Variants in LRRC4C observed in about 807,000 individuals in gnomAD.
LRRC4C encodes leucine rich repeat containing 4C, also known as leucine-rich repeat-containing protein 4C.
In LRRC4C, 5 loss-of-function variants were observed where a neutral mutation model predicts 33.6. That is an observed-to-expected ratio of 0.15 (90% CI 0.08 to 0.31). The LOEUF (loss-of-function observed/expected upper bound fraction) is 0.31. Ranked by LOEUF, LRRC4C falls within the 10% of genes least tolerant of loss-of-function variation. The pLI, the probability that LRRC4C is intolerant of heterozygous loss-of-function variation, is 1.00. For missense variants in LRRC4C, 560 were observed against 796.7 expected (o/e 0.70, Z 3.58); for synonymous variants, 329 against 302.0 (o/e 1.09, Z -0.93).
chr11:40,243,532 A>G (rs1431068832), intron 4 of LRRC4C, among the ~76,000 whole-genome samples: 2 of 152,094 alleles, frequency 1.3e-5, no homozygotes, highest in East Asian at 3.9e-4. Context: ...TGACTCATTC[A>G]TTTATTCAAC....
intron 3 of LRRC4C, among the ~76,000 whole-genome samples, chr11:40,595,738 T>G (rs1031408570): frequency 6.6e-6 from 1 of 152,148 alleles, no homozygotes; most frequent in Non-Finnish European, 1.5e-5. Flanking sequence ...CAGGAGTACA[T>G]AGCAACAGCA....
intron 1 of LRRC4C, among the ~76,000 whole-genome samples, chr11:41,381,497 C>T (rs1411334319): frequency 1.3e-5 from 2 of 151,800 alleles, no homozygotes; most frequent in East Asian, 3.9e-4. Flanking sequence ...CATGGTAGCA[C>T]ACACCTGTAA....
intron 1 of LRRC4C, among the ~76,000 whole-genome samples, chr11:41,114,779 C>T (rs1365476289): frequency 1.3e-5 from 2 of 151,998 alleles, no homozygotes; most frequent in Non-Finnish European, 2.9e-5. Context: ...AGTTCAGCTA[C>T]GTAACTGAAA....
chr11:40,128,694 C>T lies in LRRC4C; in HGVS notation c.-43+12107G>A, dbSNP rs548577070. On this transcript the variant is annotated intron_variant, in intron 6 of 6. Transcript: ENST00000528697. ...TTCTTACTCCACCTTCTCGGTTCCA[C>T]CCCATTGGCCTTTCGTGGTTTCTCA... is the stretch of plus-strand genomic sequence containing the variant. Among the ~76,000 whole-genome samples, 3 of 152,234 alleles carry T rather than the reference C, an allele frequency of 2.0e-5. No homozygotes were observed. In the East Asian group the frequency reaches 5.8e-4, roughly 29 times the overall value.
At chr11:40,350,682 A>C (rs556569456) in intron 3 of LRRC4C, among the ~76,000 whole-genome samples, 4 of 151,920 alleles carry the variant, frequency 2.6e-5, no homozygotes, top group Non-Finnish European at 5.9e-5. Context: ...TTGCTTTGGA[A>C]AGTAAGAACT....
chr11:41,275,397 T>G (rs571279747), intron 1 of LRRC4C, among the ~76,000 whole-genome samples: 7 of 152,270 alleles, frequency 4.6e-5, no homozygotes, highest in African/African-American at 1.7e-4. Context: ...TGCAACTCTA[T>G]TCAAACAAAA....
At chr11:40,453,205 A>AATTCTAAATGAG (rs1277135553) in intron 3 of LRRC4C, among the ~76,000 whole-genome samples, 2 of 152,254 alleles carry the variant, frequency 1.3e-5, no homozygotes, top group East Asian at 3.9e-4. Flanking sequence ...TTGGAATCTC[A>AATTCTAAATGAG]ATTCTAAACT....
chr11:40,631,920 TAAAACTATCAATGAAACATCC>T (rs914637722), intron 3 of LRRC4C, among the ~76,000 whole-genome samples: 1 of 152,172 alleles, frequency 6.6e-6, no homozygotes, highest in Non-Finnish European at 1.5e-5. Context: ...AACTTGTACT[TAAAACTATCAATGAAACATCC>T]TTACCAAATA....
rs1011271752 is a variant in LRRC4C, at chr11:40,509,510, A to AT, written c.-270+138631dup. Among the ~76,000 whole-genome samples the AT allele has an allele frequency of 4.3e-4, 65 of 150,222 alleles. 1 individual carries two copies. The highest frequency in any genetic ancestry group is 3.4e-3 in the Middle Eastern group (1 of 292). On this transcript the variant is annotated intron_variant, in intron 3 of 6. Coordinates refer to ENST00000528697, the MANE Select transcript of LRRC4C (RefSeq NM_001258419.2). ...AAATTTTTTTAATTTTTATTTATTT[A>AT]TTTTTTTTTGCGAAATGACCAATGA...
At chr11:40,696,866 A>T (rs1945589448) in intron 2 of LRRC4C, among the ~76,000 whole-genome samples, 1 of 150,684 alleles carries the variant, frequency 6.6e-6, no homozygotes, top group African/African-American at 2.4e-5. Flanking sequence ...ACCCTTTGCT[A>T]CAGGCACATG....
intron 1 of LRRC4C, among the ~76,000 whole-genome samples, chr11:41,418,426 C>T (rs1251102986): frequency 1.3e-5 from 2 of 151,898 alleles, no homozygotes; most frequent in Non-Finnish European, 2.9e-5. Flanking sequence ...TGCATTTCCT[C>T]GAGGAATTAA....
At chr11:41,029,315 C>A (rs928877354) in intron 1 of LRRC4C, among the ~76,000 whole-genome samples, 4 of 151,692 alleles carry the variant, frequency 2.6e-5, no homozygotes, top group African/African-American at 9.7e-5. Context: ...TGTTTATAGG[C>A]TTATACAAGC....
chr11:40,206,777 T>A (rs1238031087), intron 5 of LRRC4C, among the ~76,000 whole-genome samples: 1 of 148,258 alleles, frequency 6.7e-6, no homozygotes, highest in African/African-American at 2.4e-5. Context: ...TGTACATGTA[T>A]GTGGAAGTGT....
At chr11:40,870,776 G>A (rs1029581091) in intron 2 of LRRC4C, among the ~76,000 whole-genome samples, 5 of 152,118 alleles carry the variant, frequency 3.3e-5, no homozygotes, top group Admixed American at 6.5e-5. Context: ...TGTTTGTAGA[G>A]CATGTGTGTT....
chr11:40,810,780 T>C (rs925517398), intron 2 of LRRC4C, among the ~76,000 whole-genome samples: 1 of 152,120 alleles, frequency 6.6e-6, no homozygotes, highest in Admixed American at 6.6e-5. Flanking sequence ...CCAAAATATA[T>C]CCACCAACTT....
chr11:40,801,544 G>C (rs1269629841), intron 2 of LRRC4C, among the ~76,000 whole-genome samples: 1 of 152,132 alleles, frequency 6.6e-6, no homozygotes, highest in African/African-American at 2.4e-5. Flanking sequence ...ACTGTATGCT[G>C]TATCCTTTGA....
chr11:40,800,365 T>C (rs1950992003), intron 2 of LRRC4C, among the ~76,000 whole-genome samples: 1 of 152,178 alleles, frequency 6.6e-6, no homozygotes, highest in South Asian at 2.1e-4. Context: ...CATTTATTGT[T>C]TGAGGGGGAA....
chr11:40,209,303 T>G (rs1863403056), intron 5 of LRRC4C, among the ~76,000 whole-genome samples: 1 of 152,146 alleles, frequency 6.6e-6, no homozygotes. Context: ...TGCAGGAATA[T>G]AAGGTCCTCT....
intron 3 of LRRC4C, among the ~76,000 whole-genome samples, chr11:40,339,933 T>C (rs368325313): frequency 8.3e-4 from 126 of 152,302 alleles, no homozygotes; most frequent in African/African-American, 2.9e-3. Flanking sequence ...GACATTTACT[T>C]GGAAATTTGG....
Sources: allele counts gnomAD v4.1 joint callset (sites outside exome capture counted in the v4.1 genomes callset), GRCh38; gene constraint gnomAD v4.1.1; transcripts MANE v1.5; gene names NCBI Gene and HGNC (gene_info 2026-07-23, HGNC 2026-07-21).